The following CEP250 variants were observed in gnomAD, a reference collection of about 807,000 sequenced individuals.
The protein encoded by CEP250 is centrosome-associated protein CEP250.
CEP250 carries 242 observed loss-of-function variants against 315.7 expected under a neutral mutation model. That is an observed-to-expected ratio of 0.77 (90% CI 0.69 to 0.85). The LOEUF (loss-of-function observed/expected upper bound fraction) is 0.85. CEP250 is among the 40% of genes least tolerant of loss of function. The pLI, the probability that CEP250 is intolerant of heterozygous loss-of-function variation, is 0.00. For synonymous variants in CEP250, 1,088 were observed against 1,175.0 expected, an observed-to-expected ratio of 0.93 and a Z score of 1.51; for missense variants, 2,515 against 2,886.4, an observed-to-expected ratio of 0.87 and a Z score of 2.95.
intron 12 of CEP250, 24 bp from the exon 13 acceptor site, chr20:35,473,350 G>T: frequency 1.9e-6 from 3 of 1,586,196 alleles, no homozygotes; most frequent in African/African-American, 2.7e-5. Context: ...TCATCATCTG[G>T]TTTCTCTTGC....
chr20:35,490,544 T>G, intron 20 of CEP250, 93 bp from the exon 21 acceptor site: 1 of 1,178,072 alleles, frequency 8.5e-7, no homozygotes, highest in Non-Finnish European at 1.2e-6. Flanking sequence ...ACCCCACTAG[T>G]GAGTAGTAGA....
At position 35,502,473 on chromosome 20, in the gene CEP250, G is replaced by A. The variant is rs2147148173; in HGVS notation, c.4104G>A (p.Arg1368=). 3.7e-6 allele frequency: 6 copies of A among 1,614,190 alleles called. No individual in the cohort carries two copies. Among genetic ancestry groups the A allele is most frequent in the South Asian group, 1.1e-5 (1 of 91,084 alleles). Residue 1368 remains arginine, a synonymous_variant, in exon 30 of 35, where the codon AGG becomes AGA. Transcript: ENST00000397527. ...TGCAAGCAGCTGTCGTAGAAGCCAG[G>A]GCTCAGGCAAGTGCTGCTGGCATCC... ...EHLQAAVVEA[R]AQASAAGILE... is the part of the protein sequence containing the mutation.
Position 35,509,904 on chromosome 20 carries a change from C to T in CEP250, c.7009-94C>T. Reference sequence around the variant, plus strand: ...TTCTGGCCCATAGCCCTTGCCCAGGCCCCTAAGATTGTGATGAGGTTCTGC... The same window carrying T: ...TTCTGGCCCATAGCCCTTGCCCAGGTCCCTAAGATTGTGATGAGGTTCTGC... On this transcript the variant is annotated intron_variant, in intron 33 of 34. Transcript: ENST00000397527. 4 of 1,131,362 alleles carry T rather than the reference C, an allele frequency of 3.5e-6. No individual in the cohort carries two copies. The South Asian group carries it at 4.9e-5, about 14-fold the overall frequency. 70.1% of individuals were successfully genotyped at this position (1,131,362 alleles called of 1,614,324 possible).
chr20:35,507,907 G>T (rs534736417), intron 31 of CEP250, 56 bp downstream of exon 31: 3 of 1,600,078 alleles, frequency 1.9e-6, no homozygotes, highest in Non-Finnish European at 8.5e-7. Context: ...CTGTCCAGGG[G>T]TTTGTCCCCT....
rs374940278 is a variant in CEP250 at position 35,473,495 on chromosome 20, G to A, written c.1331G>A (p.Arg444Gln). The change falls in exon 13 of 35, where the codon CGG becomes CAG. Residue 444 changes from arginine to glutamine, a missense_variant. Coordinates refer to ENST00000397527, the MANE Select transcript of CEP250 (RefSeq NM_007186.6). ...RQRLQKLTGE[R>Q]DTLAGQTVDL... ...CGGCTGCAGAAGCTCACTGGGGAGC[G>A]GGACACTCTGGCAGGGCAGACTGTG... 3.0e-5 allele frequency: 48 copies of A among 1,614,014 alleles called. No individual in the cohort carries two copies. The South Asian group carries it at 3.4e-4, about 11-fold the overall frequency.
chr20:35,494,236 A>C, intron 23 of CEP250: 1 of 307,344 alleles, frequency 3.3e-6, no homozygotes, highest in Non-Finnish European at 6.2e-6. Flanking sequence ...GGCCTCCCAA[A>C]GTGTTGAGAT....
intron 28 of CEP250, among the ~76,000 whole-genome samples, chr20:35,501,096 G>A (rs2063989196): frequency 6.6e-6 from 1 of 152,164 alleles, no homozygotes; most frequent in Non-Finnish European, 1.5e-5. Context: ...ATATCCATGT[G>A]CCAGCCAAGG....
chr20:35,506,604 C>T (rs2064191597), intron 30 of CEP250, among the ~76,000 whole-genome samples: 1 of 152,072 alleles, frequency 6.6e-6, no homozygotes. Context: ...ACACACAGTC[C>T]CCCAGAGAGT....
Position 35,491,257 on chromosome 20 carries a change from C to T in CEP250, c.2800C>T (p.Leu934=). 2.5e-6 allele frequency: 4 copies of T among 1,609,314 alleles called. No homozygotes were observed. In the South Asian group the frequency reaches 4.4e-5, roughly 18 times the overall value. Residue 934 remains leucine (L), a synonymous_variant, in exon 22 of 35, where the codon CTG becomes TTG. Coordinates refer to ENST00000397527, the MANE Select transcript of CEP250 (RefSeq NM_007186.6). ...GGAGAGAGTATCCCTCCTGGAGACA[C>T]TGCTGCAGACGCAGAAGGAGCTAGC... The part of the protein sequence containing the change: ...EKERVSLLET[L]LQTQKELADA...
intron 3 of CEP250, among the ~76,000 whole-genome samples, chr20:35,461,839 C>T (rs891226001): frequency 2.0e-5 from 3 of 152,182 alleles, no homozygotes; most frequent in Non-Finnish European, 4.4e-5. Context: ...CAAGTGTTAA[C>T]AATGATGATG....
In CEP250 at chr20:35,508,863, T is replaced by A. The variant is rs2064272902; in HGVS notation, c.6907-80T>A. 2.0e-5 allele frequency: 24 copies of A among 1,173,548 alleles called. No homozygotes were observed. The South Asian group carries it at 3.2e-4, about 16-fold the overall frequency. The allele number at this position is 1,173,548 out of a possible 1,614,324, so 72.7% of individuals were successfully genotyped here. ...TCCCCTCATATACCTGCACAGGCACTGGCCACCTCTGGAGAAAGGCAGCTC... is the reference window on the plus strand; with the variant it reads ...TCCCCTCATATACCTGCACAGGCACAGGCCACCTCTGGAGAAAGGCAGCTC... On this transcript the variant is annotated intron_variant, in intron 32 of 34. Transcript: ENST00000397527.
chr20:35,493,493 G>A lies in CEP250; in HGVS notation c.2954G>A (p.Arg985Gln), dbSNP rs75672673. 3,576 of 1,609,730 alleles carry A rather than the reference G, an allele frequency of 2.2e-3. 41 individuals are homozygous for A. The African/African-American group carries it at 0.039, about 17-fold the overall frequency. Reference protein sequence around the residue: ...EAQRELKEAARQHRDDLAALQ... With the variant: ...EAQRELKEAAQQHRDDLAALQ... Reference sequence around the variant, plus strand: ...CAACGGGAGCTGAAGGAGGCAGCCCGGCAGCACAGAGATGACCTTGCTGCC... The same window carrying A: ...CAACGGGAGCTGAAGGAGGCAGCCCAGCAGCACAGAGATGACCTTGCTGCC... The change falls in exon 23 of 35, where the codon CGG (arginine) becomes CAG (glutamine). Residue 985 changes from arginine (R) to glutamine (Q), a missense_variant. Arg to Gln is a conservative substitution (Grantham distance 43, BLOSUM62 1). Coordinates refer to ENST00000397527, the MANE Select transcript of CEP250 (RefSeq NM_007186.6).
At position 35,502,647 on chromosome 20, in the gene CEP250, GA is replaced by G; in HGVS notation, c.4279del (p.Thr1427ProfsTer4). ...CTCTGCAAGAGAATTTGGCCCTCCT[GA>G]CCCAGACCCTAGCTGAAAGAGAAGA... ...KALQENLALL[T>X]QTLAEREEEV... On this transcript the variant is annotated frameshift_variant, in exon 30 of 35. Transcript: ENST00000397527. LOFTEE classifies it high-confidence loss of function. 1 of 1,614,250 alleles carries G rather than the reference GA, an allele frequency of 6.2e-7. No individual in the cohort carries two copies. Among genetic ancestry groups the G allele is most frequent in the Non-Finnish European group, 8.5e-7 (1 of 1,180,048 alleles).
rs1460912355 is a variant in CEP250, at chr20:35,497,947, C to G, written c.3535C>G (p.Gln1179Glu). ...GCAGCCCGGGAACCAGGCCCAGGCC[C>G]AGGCCCAGCTGGCCAGCCTCTACTC... is the stretch of plus-strand genomic sequence containing the variant. Reference protein sequence around the residue: ...EQQPGNQAQAQAQLASLYSAL... With the variant: ...EQQPGNQAQAEAQLASLYSAL... The change falls in exon 26 of 35, where the codon CAG (glutamine) becomes GAG (glutamate). Residue 1179 changes from glutamine (Q) to glutamate (E), a missense_variant. Gln to Glu is a conservative substitution (Grantham distance 29). Transcript: ENST00000397527. The G allele has an allele frequency of 6.2e-7, 1 of 1,612,266 alleles. No individual in the cohort carries two copies. The highest frequency in any genetic ancestry group is 8.5e-7 in the Non-Finnish European group (1 of 1,179,354).
At chr20:35,477,613 T>C (rs953038933) in intron 16 of CEP250, among the ~76,000 whole-genome samples, 4 of 152,236 alleles carry the variant, frequency 2.6e-5, no homozygotes, top group Non-Finnish European at 5.9e-5. Flanking sequence ...TCCTTGAGTG[T>C]TCTCTATTCC....
chr20:35,511,701 C>T lies in CEP250; in HGVS notation c.*75C>T, dbSNP rs981276177. 1.3e-6 allele frequency: 2 copies of T among 1,504,036 alleles called. No individual in the cohort carries two copies. Among genetic ancestry groups the T allele is most frequent in the Non-Finnish European group, 1.8e-6 (2 of 1,126,676 alleles). 93.2% of individuals were successfully genotyped at this position (1,504,036 alleles called of 1,614,324 possible). ...CCCCTCCGCACACCTACAGGTTTGC[C>T]AAAGGAAAAGCCTGGCTCTGTTAGG... On this transcript the variant is annotated 3_prime_UTR_variant, in exon 35 of 35. Coordinates refer to ENST00000397527, the MANE Select transcript of CEP250 (RefSeq NM_007186.6).
Position 35,503,700 on chromosome 20 carries a change from G to A in CEP250, c.5331G>A (p.Glu1777=), listed in dbSNP as rs1365138952. The A allele has an allele frequency of 1.9e-6, 3 of 1,614,000 alleles. No individual in the cohort carries two copies. The highest frequency in any genetic ancestry group is 2.7e-5 in the African/African-American group (2 of 74,928). The change falls in exon 30 of 35, where the codon GAG becomes GAA. Residue 1777 remains glutamate, a synonymous_variant. Coordinates refer to ENST00000397527, the MANE Select transcript of CEP250 (RefSeq NM_007186.6). The surrounding 1 kb of genome is among the most constrained non-coding windows in gnomAD (Gnocchi z 4.2). The stretch of plus-strand genomic sequence containing the variant: ...CCAGCCTCCTCCTGTCCCAGCGAGA[G>A]CAGGAAATAGTGGTCCTGCAGCAGC... ...GETSLLLSQR[E]QEIVVLQQQL...
At chr20:35,495,126 C>T (rs6119615) in intron 24 of CEP250, among the ~76,000 whole-genome samples, 40 of 152,104 alleles carry the variant, frequency 2.6e-4, no homozygotes, top group Admixed American at 2.2e-3. Context: ...AGTTCTATTC[C>T]GTAAGAGGAG....
chr20:35,491,097 C>T (rs2063676495), intron 21 of CEP250, 115 bp from the exon 22 acceptor site: 5 of 1,303,368 alleles, frequency 3.8e-6, no homozygotes, highest in Admixed American at 4.6e-5. Context: ...CCTTTGCCCT[C>T]AGCCCCTTCC....
Sources: gnomAD v4.1 joint callset for allele counts (sites outside exome capture counted in the v4.1 genomes callset) on GRCh38, gnomAD v4.1.1 for gene constraint, Gnocchi (gnomAD v3.1) non-coding constraint, MANE v1.5 for transcripts, NCBI Gene and HGNC (gene_info 2026-07-23, HGNC 2026-07-21) for gene names.